Variants in FSTL5 observed in about 807,000 individuals in gnomAD.
FSTL5 encodes the protein follistatin-related protein 5.
FSTL5 carries 62 observed loss-of-function variants against 89.1 expected under a neutral mutation model. The observed-to-expected ratio is 0.70, with a 90% CI of 0.57 to 0.86. The LOEUF is 0.86. FSTL5 is among the 40% of genes least tolerant of loss of function. FSTL5 has a pLI of 0.00. For missense variants in FSTL5, 1,057 were observed against 1,001.6 expected (o/e 1.06, Z -0.75); for synonymous variants, 383 against 346.2 (o/e 1.11, Z -1.18).
rs184627124 is a variant in FSTL5, at chr4:161,813,500, A to C, written c.410-37426T>G. Among the ~76,000 whole-genome samples the C allele has an allele frequency of 6.5e-3, 994 of 152,332 alleles. 12 individuals are homozygous for C. The highest frequency in any genetic ancestry group is 6.3e-3 in the Non-Finnish European group (430 of 68,032). The stretch of plus-strand genomic sequence containing the variant: ...TCAGCCACTTAATTATGAAACGATC[A>C]TGGAAAAGCTGTTTAATTTCTTTGA... On this transcript the variant is annotated intron_variant, in intron 4 of 15. Transcript: ENST00000306100.
intron 12 of FSTL5, among the ~76,000 whole-genome samples, chr4:161,485,040 A>C (rs1248874777): frequency 6.6e-6 from 1 of 152,214 alleles, no homozygotes; most frequent in Non-Finnish European, 1.5e-5. Context: ...ATTATATGAG[A>C]TTCAAATTTA....
intron 3 of FSTL5, among the ~76,000 whole-genome samples, chr4:161,936,069 A>G (rs1309843426): frequency 6.6e-6 from 1 of 152,078 alleles, no homozygotes; most frequent in Non-Finnish European, 1.5e-5. Flanking sequence ...AATCCCAGCT[A>G]CTCAAAAGGC....
At chr4:161,587,695 A>T in intron 7 of FSTL5, 120 bp from the exon 8 acceptor site, 1 of 667,348 alleles carries the variant, frequency 1.5e-6, no homozygotes, top group Non-Finnish European at 2.5e-6. Flanking sequence ...TAAAATTATC[A>T]AAATGAGCAT....
At chr4:162,112,775 TCACACACA>T (rs71598742) in intron 1 of FSTL5, among the ~76,000 whole-genome samples, 7,845 of 139,336 alleles carry the variant, frequency 0.056, 256 homozygotes, top group African/African-American at 0.1. Flanking sequence ...ACCGACACAA[TCACACACA>T]CACACACACA....
At chr4:161,963,896 C>A (rs1735250199) in intron 3 of FSTL5, among the ~76,000 whole-genome samples, 1 of 151,882 alleles carries the variant, frequency 6.6e-6, no homozygotes, top group Non-Finnish European at 1.5e-5. Context: ...ACTTCAGAAA[C>A]TGATTGTAAT....
intron 7 of FSTL5, among the ~76,000 whole-genome samples, chr4:161,624,513 A>G (rs1201972281): frequency 6.6e-6 from 1 of 151,784 alleles, no homozygotes; most frequent in East Asian, 1.9e-4. Context: ...TAAATTTATT[A>G]AAAGTTCCTT....
intron 4 of FSTL5, among the ~76,000 whole-genome samples, chr4:161,851,245 C>A (rs1306359296): frequency 6.6e-6 from 1 of 152,180 alleles, no homozygotes; most frequent in African/African-American, 2.4e-5. Flanking sequence ...ATTATCCTGA[C>A]ACCATCTTTC....
At chr4:162,107,315 G>A (rs1344451674) in intron 2 of FSTL5, among the ~76,000 whole-genome samples, 1 of 152,144 alleles carries the variant, frequency 6.6e-6, no homozygotes, top group African/African-American at 2.4e-5. Flanking sequence ...CTTATGCCAT[G>A]AGAATATTCA....
intron 3 of FSTL5, among the ~76,000 whole-genome samples, chr4:161,965,657 A>G (rs1444860812): frequency 6.6e-6 from 1 of 152,042 alleles, no homozygotes; most frequent in African/African-American, 2.4e-5. Flanking sequence ...TGTTATCCTT[A>G]GACAGGATAT....
chr4:162,148,039 T>C (rs916944550), intron 1 of FSTL5, among the ~76,000 whole-genome samples: 36 of 152,218 alleles, frequency 2.4e-4, no homozygotes, highest in South Asian at 1.2e-3. Flanking sequence ...ATACGAAGAT[T>C]ACTCAGGCAA....
intron 7 of FSTL5, among the ~76,000 whole-genome samples, chr4:161,650,273 A>T (rs1282855015): frequency 6.6e-6 from 1 of 152,198 alleles, no homozygotes; most frequent in East Asian, 1.9e-4. Context: ...TATCATTCGT[A>T]GGAAAGTCAC....
chr4:161,806,387 C>G (rs1729967083), intron 4 of FSTL5, among the ~76,000 whole-genome samples: 1 of 151,902 alleles, frequency 6.6e-6, no homozygotes, highest in Non-Finnish European at 1.5e-5. Context: ...GCATATAGTG[C>G]CTCAAGCACT....
intron 13 of FSTL5, among the ~76,000 whole-genome samples, chr4:161,475,369 G>T (rs1734101358): frequency 6.6e-6 from 1 of 151,888 alleles, no homozygotes; most frequent in African/African-American, 2.4e-5. Context: ...CTCCTTCTGG[G>T]ACTGCCGCAG....
At chr4:161,715,001 A>G (rs1738927269) in intron 6 of FSTL5, among the ~76,000 whole-genome samples, 3 of 152,164 alleles carry the variant, frequency 2.0e-5, no homozygotes, top group African/African-American at 7.2e-5. Flanking sequence ...ACTATTTTAT[A>G]TAAAACAAAC....
chr4:161,936,094 C>G (rs115986625), intron 3 of FSTL5, among the ~76,000 whole-genome samples: 1 of 152,084 alleles, frequency 6.6e-6, no homozygotes, highest in Non-Finnish European at 1.5e-5. Context: ...GCATGAGATT[C>G]GCTTGAACCC....
At chr4:161,524,763 T>A (rs1279988608) in intron 10 of FSTL5, among the ~76,000 whole-genome samples, 1 of 151,932 alleles carries the variant, frequency 6.6e-6, no homozygotes, top group Admixed American at 6.6e-5. Flanking sequence ...ATCGAGACCA[T>A]CCTGGCTAAC....
At chr4:162,056,152 T>C (rs999144934) in intron 2 of FSTL5, among the ~76,000 whole-genome samples, 1 of 151,916 alleles carries the variant, frequency 6.6e-6, no homozygotes, top group Non-Finnish European at 1.5e-5. Flanking sequence ...AAAAAAACAT[T>C]TGCAATGAAT....
chr4:161,781,037 A>C (rs1446889891), intron 4 of FSTL5, among the ~76,000 whole-genome samples: 1 of 152,174 alleles, frequency 6.6e-6, no homozygotes, highest in Non-Finnish European at 1.5e-5. Context: ...TTAGAAACTC[A>C]AAGAATAAAA....
intron 8 of FSTL5, among the ~76,000 whole-genome samples, chr4:161,560,524 T>C (rs943072102): frequency 2.0e-5 from 3 of 151,902 alleles, no homozygotes; most frequent in Non-Finnish European, 4.4e-5. Flanking sequence ...CAAATATACA[T>C]TGTACAAATG....
Sources: allele counts gnomAD v4.1 joint callset (sites outside exome capture counted in the v4.1 genomes callset), GRCh38; gene constraint gnomAD v4.1.1; transcripts MANE v1.5; gene names NCBI Gene and HGNC (gene_info 2026-07-23, HGNC 2026-07-21).